Variants in SAP30BP observed in about 807,000 individuals in gnomAD.
SAP30BP encodes the protein SAP30-binding protein.
A neutral mutation model predicts 46.3 loss-of-function variants in SAP30BP; 31 were observed. The observed-to-expected ratio is 0.67, with a 90% CI of 0.50 to 0.90. The LOEUF (loss-of-function observed/expected upper bound fraction) is 0.90. Among genes scored for constraint, SAP30BP ranks in the 40% least tolerant of loss-of-function variants. The probability of loss-of-function intolerance (pLI) is 0.00; values close to 1 mark genes in which losing one functional copy is unlikely to be tolerated. For synonymous variants in SAP30BP, 169 were observed against 144.2 expected, an observed-to-expected ratio of 1.17 and a Z score of -1.23; for missense variants, 312 against 391.0, an observed-to-expected ratio of 0.80 and a Z score of 1.70.
chr17:75,702,620 C>A, intron 6 of SAP30BP, 49 bp downstream of exon 6: 1 of 904,874 alleles, frequency 1.1e-6, no homozygotes. Context: ...TAATGTTGGA[C>A]TAAGGACTAA....
intron 3 of SAP30BP, among the ~76,000 whole-genome samples, chr17:75,689,170 TTG>T (rs1205242128): frequency 1.3e-5 from 2 of 151,340 alleles, no homozygotes; most frequent in Admixed American, 6.6e-5. Context: ...TTTTTTTTTT[TTG>T]GAGACAATCT....
At chr17:75,703,417 T>A in intron 7 of SAP30BP, 46 bp downstream of exon 7, 1 of 1,562,204 alleles carries the variant, frequency 6.4e-7, no homozygotes, top group South Asian at 1.1e-5. Flanking sequence ...ACACCCAGGG[T>A]CCTTTGCTTG....
intron 3 of SAP30BP, among the ~76,000 whole-genome samples, chr17:75,691,038 G>A (rs2060234123): frequency 1.3e-5 from 2 of 152,142 alleles, no homozygotes; most frequent in Non-Finnish European, 2.9e-5. Context: ...GTGGTCCATT[G>A]GTCAGTACTT....
At chr17:75,681,427 T>TCA (rs2060074497) in intron 3 of SAP30BP, among the ~76,000 whole-genome samples, 1 of 152,208 alleles carries the variant, frequency 6.6e-6, no homozygotes, top group African/African-American at 2.4e-5. Flanking sequence ...AGTTACTGAC[T>TCA]CACAGTCTAG....
intron 4 of SAP30BP, among the ~76,000 whole-genome samples, chr17:75,695,808 C>T (rs1430625116): frequency 1.3e-5 from 2 of 152,178 alleles, no homozygotes; most frequent in East Asian, 1.9e-4. Flanking sequence ...TGCAGCACTG[C>T]AGCCCCTTGA....
Position 75,699,870 on chromosome 17 carries a change from A to G in SAP30BP, c.395A>G (p.Gln132Arg), listed in dbSNP as rs745464029. ...CCTGGCAGATGTTCAAATCACTTGC[A>G]AGTAAGCATGAGACTCGGCTACTGA... ...EPPGRCSNHLQDKIQKLYERK... is the reference protein window; with the variant it reads ...EPPGRCSNHLRDKIQKLYERK... Residue 132 changes from glutamine to arginine, a missense_variant and splice_region_variant, in exon 5 of 11, where the codon CAA (glutamine) becomes CGA (arginine). By Grantham distance (43) the Gln-to-Arg change is conservative. This residue lies in a region of SAP30BP where 296 missense variants were observed against 346.6 expected (regional missense o/e 0.85). Coordinates refer to ENST00000584667, the MANE Select transcript of SAP30BP (RefSeq NM_013260.8). The G allele has an allele frequency of 1.9e-6, 3 of 1,610,104 alleles. No individual in the cohort carries two copies. Among genetic ancestry groups the G allele is most frequent in the Non-Finnish European group, 2.5e-6 (3 of 1,176,494 alleles).
Position 75,702,758 on chromosome 17 carries a change from C to G in SAP30BP, c.488+187C>G, listed in dbSNP as rs192703515. 25 of 432,162 alleles carry G rather than the reference C, an allele frequency of 5.8e-5. No homozygotes were observed. In the East Asian group the frequency reaches 8.8e-4, roughly 15 times the overall value. 26.8% of individuals were successfully genotyped at this position (432,162 alleles called of 1,614,324 possible). On this transcript the variant is annotated intron_variant, in intron 6 of 10. Transcript: ENST00000584667. ...CAGCCAGAGGCTTGCCATTTAAGATCCAGAAAAAACACAAAGCAATTCATA... is the reference window on the plus strand; with the variant it reads ...CAGCCAGAGGCTTGCCATTTAAGATGCAGAAAAAACACAAAGCAATTCATA...
At chr17:75,685,151 C>A (rs1455894331) in intron 3 of SAP30BP, among the ~76,000 whole-genome samples, 1 of 152,200 alleles carries the variant, frequency 6.6e-6, no homozygotes, top group Non-Finnish European at 1.5e-5. Flanking sequence ...ATCAGCCGTG[C>A]AAGCCCCAAC....
At chr17:75,667,830 A>G (rs1381301704) in intron 1 of SAP30BP, among the ~76,000 whole-genome samples, 1 of 152,228 alleles carries the variant, frequency 6.6e-6, no homozygotes, top group African/African-American at 2.4e-5. Flanking sequence ...GGAAGATGGT[A>G]AAGATTGTGT....
At chr17:75,690,881 T>G (rs2148403176) in intron 3 of SAP30BP, 6 of 396,914 alleles carry the variant, frequency 1.5e-5, no homozygotes, top group East Asian at 1.4e-4. Context: ...CAGCACAGTC[T>G]TCTTAGGAGA....
intron 2 of SAP30BP, among the ~76,000 whole-genome samples, chr17:75,670,944 G>T (rs975335917): frequency 6.6e-6 from 1 of 152,210 alleles, no homozygotes; most frequent in Admixed American, 6.5e-5. Flanking sequence ...TGTGCATTGG[G>T]AGTGTTCTGG....
rs546599390 is a variant in SAP30BP, at chr17:75,706,553, C to T, written c.*32C>T. 10 of 1,602,522 alleles carry T rather than the reference C, an allele frequency of 6.2e-6. No homozygotes were observed. Among genetic ancestry groups the T allele is most frequent in the East Asian group, 2.2e-5 (1 of 44,782 alleles). On this transcript the variant is annotated 3_prime_UTR_variant, in exon 11 of 11. Transcript: ENST00000584667. The surrounding 1 kb of genome is among the most constrained non-coding windows in gnomAD (Gnocchi z 4.6). ...GGGCCACCCTAGGACTTGAAAGGAC[C>T]GTGCAGCCCAGTGACCACTGCCCAG...
intron 4 of SAP30BP, 24 bp downstream of exon 4, chr17:75,693,506 G>T: frequency 6.2e-7 from 1 of 1,611,626 alleles, no homozygotes; most frequent in Non-Finnish European, 8.5e-7. Context: ...GATCCTGGGG[G>T]CACGTTTCTC....
intron 3 of SAP30BP, chr17:75,683,458 C>T (rs1036449774): frequency 6.6e-6 from 1 of 152,034 alleles, no homozygotes; most frequent in African/African-American, 2.4e-5. Flanking sequence ...TCCTTAGCCC[C>T]ACAGATTTTC....
chr17:75,685,279 C>T (rs1319016212), intron 3 of SAP30BP, among the ~76,000 whole-genome samples: 1 of 152,198 alleles, frequency 6.6e-6, no homozygotes, highest in African/African-American at 2.4e-5. Flanking sequence ...GACTGCCTGT[C>T]CTTAGGGATC....
intron 4 of SAP30BP, 132 bp from the exon 5 acceptor site, chr17:75,699,651 G>C (rs373544843): frequency 8.3e-6 from 5 of 602,786 alleles, no homozygotes; most frequent in Non-Finnish European, 1.5e-5. Flanking sequence ...GGCCACATCC[G>C]AACACTCAGT....
intron 3 of SAP30BP, among the ~76,000 whole-genome samples, chr17:75,676,842 T>C (rs2059997541): frequency 2.0e-5 from 3 of 152,314 alleles, no homozygotes; most frequent in African/African-American, 4.8e-5. Context: ...ATCATAGGTA[T>C]GTATGTATAG....
At chr17:75,700,793 G>A (rs181104318) in intron 5 of SAP30BP, among the ~76,000 whole-genome samples, 133 of 152,310 alleles carry the variant, frequency 8.7e-4, no homozygotes, top group African/African-American at 2.4e-3. Flanking sequence ...CTGTAAGGAC[G>A]ACTCCAGCAA....
At chr17:75,694,193 T>G (rs1243751932) in intron 4 of SAP30BP, among the ~76,000 whole-genome samples, 1 of 152,102 alleles carries the variant, frequency 6.6e-6, no homozygotes, top group Non-Finnish European at 1.5e-5. Flanking sequence ...TCCTGCCTCC[T>G]GCGGTCTTGC....
Sources: allele counts gnomAD v4.1 joint callset (sites outside exome capture counted in the v4.1 genomes callset), GRCh38; gene constraint gnomAD v4.1.1; regional missense constraint gnomAD v4.1.1; non-coding constraint Gnocchi (gnomAD v3.1); transcripts MANE v1.5; gene names NCBI Gene and HGNC (gene_info 2026-07-23, HGNC 2026-07-21).